The following CORIN variants were observed in gnomAD, a reference collection of about 807,000 sequenced individuals.
CORIN encodes the protein atrial natriuretic peptide-converting enzyme.
In CORIN, 117 loss-of-function variants were observed where a neutral mutation model predicts 125.3. The observed-to-expected ratio is 0.93, with a 90% CI of 0.80 to 1.09. CORIN has a LOEUF of 1.09. CORIN is among the 50% of genes least tolerant of loss of function. The probability of loss-of-function intolerance (pLI) is 0.00; values close to 1 mark genes in which losing one functional copy is unlikely to be tolerated. For missense variants in CORIN, 1,253 were observed against 1,306.7 expected, an observed-to-expected ratio of 0.96 and a Z score of 0.63; for synonymous variants, 450 against 466.4, an observed-to-expected ratio of 0.96 and a Z score of 0.45.
Position 47,626,343 on chromosome 4 carries a change from C to T in CORIN, c.2315+62G>A, listed in dbSNP as rs1722563033. The stretch of plus-strand genomic sequence containing the variant: ...CTTAAGTTAAAAAATGGAAGAAAGG[C>T]CCAATGATAAACTCTTGCTCTGTAA... On this transcript the variant is annotated intron_variant, in intron 17 of 21. Transcript: ENST00000273857. The T allele has an allele frequency of 4.1e-6, 4 of 972,160 alleles. No homozygotes were observed. In the Admixed American group the frequency reaches 5.2e-5, roughly 13 times the overall value. 60.2% of individuals were successfully genotyped at this position (972,160 alleles called of 1,614,324 possible).
intron 13 of CORIN, 125 bp from the exon 14 acceptor site, chr4:47,645,319 T>A: frequency 1.8e-6 from 1 of 562,088 alleles, no homozygotes; most frequent in Non-Finnish European, 3.2e-6. Context: ...CTCATGCCTG[T>A]AATCCCAGCA....
At position 47,776,326 on chromosome 4, in the gene CORIN, C is replaced by T. The variant is rs144209453; in HGVS notation, c.409+10399G>A. Among the ~76,000 whole-genome samples the T allele has an allele frequency of 3.3e-5, 5 of 152,096 alleles. No homozygotes were observed. The East Asian group carries it at 9.6e-4, about 29-fold the overall frequency. On this transcript the variant is annotated intron_variant, in intron 3 of 21. Transcript: ENST00000273857. ...TTTGAGTCAAGGTCTCACTCTGTTG[C>T]CCAGACTGGAGTGCAATGGTGAGAT...
chr4:47,736,669 G>A (rs948303063), intron 5 of CORIN, among the ~76,000 whole-genome samples: 5 of 151,802 alleles, frequency 3.3e-5, no homozygotes, highest in African/African-American at 4.8e-5. Context: ...AGTATCAGTC[G>A]TTCCCCTCTA....
At chr4:47,644,407 T>A (rs561852059) in intron 14 of CORIN, among the ~76,000 whole-genome samples, 2 of 152,336 alleles carry the variant, frequency 1.3e-5, no homozygotes, top group South Asian at 2.1e-4. Context: ...CTCTATATGA[T>A]AATATAAAAC....
At chr4:47,614,181 C>T (rs1178567851) in intron 19 of CORIN, among the ~76,000 whole-genome samples, 2 of 152,104 alleles carry the variant, frequency 1.3e-5, no homozygotes, top group East Asian at 3.9e-4. Context: ...TACTTTACCC[C>T]CAATTTCTTT....
At chr4:47,822,820 CT>C (rs1359423811) in intron 1 of CORIN, among the ~76,000 whole-genome samples, 276 of 142,460 alleles carry the variant, frequency 1.9e-3, no homozygotes, top group Middle Eastern at 3.6e-3. Context: ...CTTTCCATTT[CT>C]TTTTTTTTTT....
chr4:47,693,024 G>A lies in CORIN; in HGVS notation c.859C>T (p.Leu287=), dbSNP rs1484460562. The A allele has an allele frequency of 1.2e-6, 2 of 1,613,744 alleles. No individual in the cohort carries two copies. The highest frequency in any genetic ancestry group is 1.3e-5 in the African/African-American group (1 of 74,950). Residue 287 remains leucine, a synonymous_variant, in exon 6 of 22, where the codon CTG becomes TTG. Transcript: ENST00000273857. ...CASGICIPGK[L]QCNGYNDCDD... ...CAGTCGTTGTAGCCATTACATTGCAGTTTCCCGGGGATGCAGATTCCACTG... is the reference window on the plus strand; with the variant it reads ...CAGTCGTTGTAGCCATTACATTGCAATTTCCCGGGGATGCAGATTCCACTG...
intron 3 of CORIN, among the ~76,000 whole-genome samples, chr4:47,775,768 T>C (rs1730269732): frequency 6.6e-6 from 1 of 152,196 alleles, no homozygotes; most frequent in South Asian, 2.1e-4. Flanking sequence ...TCTGCTTCAC[T>C]GCTTCTCATG....
chr4:47,645,021 G>A, intron 14 of CORIN, 60 bp downstream of exon 14: 2 of 900,922 alleles, frequency 2.2e-6, no homozygotes, highest in East Asian at 2.4e-5. Context: ...TATTCAAAAT[G>A]AGACTTAACT....
At chr4:47,789,881 G>T (rs1399239564) in intron 2 of CORIN, among the ~76,000 whole-genome samples, 2 of 152,140 alleles carry the variant, frequency 1.3e-5, no homozygotes, top group East Asian at 3.9e-4. Flanking sequence ...AATTAGCCGG[G>T]TGTGGTGGCG....
At chr4:47,683,512 C>G in intron 7 of CORIN, 2 of 418,450 alleles carry the variant, frequency 4.8e-6, no homozygotes, top group South Asian at 7.4e-5. Flanking sequence ...CATCCCACTT[C>G]TTAAACATTT....
chr4:47,652,101 T>A (rs1316037248), intron 13 of CORIN, among the ~76,000 whole-genome samples: 1 of 152,198 alleles, frequency 6.6e-6, no homozygotes, highest in East Asian at 1.9e-4. Flanking sequence ...TCTCAATAAA[T>A]CACTTATATA....
intron 19 of CORIN, among the ~76,000 whole-genome samples, chr4:47,621,482 G>A (rs1722305577): frequency 6.6e-6 from 1 of 152,184 alleles, no homozygotes; most frequent in African/African-American, 2.4e-5. Context: ...TGAATCTTCA[G>A]TGAGCATAAT....
intron 5 of CORIN, among the ~76,000 whole-genome samples, chr4:47,735,579 T>C (rs944491238): frequency 6.6e-6 from 1 of 152,162 alleles, no homozygotes; most frequent in African/African-American, 2.4e-5. Context: ...TATCCTCTGA[T>C]ATTAGAGAGC....
chr4:47,734,250 T>C (rs1185526765), intron 5 of CORIN, among the ~76,000 whole-genome samples: 3 of 152,180 alleles, frequency 2.0e-5, no homozygotes, highest in African/African-American at 2.4e-5. Context: ...GGGTACATAA[T>C]GTAAAGGGAG....
At position 47,674,349 on chromosome 4, in the gene CORIN, C is replaced by T. The variant is rs61760496; in HGVS notation, c.1357+44G>A. ...CAATGCAGAAGAAAAATGCTGAATGCATGCCCTGACATGGCTATTGCATTT... is the reference window on the plus strand; with the variant it reads ...CAATGCAGAAGAAAAATGCTGAATGTATGCCCTGACATGGCTATTGCATTT... On this transcript the variant is annotated intron_variant, in intron 10 of 21. Transcript: ENST00000273857. The T allele has an allele frequency of 1.1e-3, 1,421 of 1,285,540 alleles. 4 individuals are homozygous for T. The highest frequency in any genetic ancestry group is 1.7e-3 in the South Asian group (139 of 83,910). The allele number at this position is 1,285,540 out of a possible 1,614,324, so 79.6% of individuals were successfully genotyped here.
intron 5 of CORIN, among the ~76,000 whole-genome samples, chr4:47,735,322 T>C (rs561337548): frequency 1.2e-4 from 18 of 152,272 alleles, no homozygotes; most frequent in African/African-American, 4.1e-4. Context: ...TTATTTTAAA[T>C]TCTAGGTAAA....
chr4:47,736,315 C>T (rs1478957975), intron 5 of CORIN, among the ~76,000 whole-genome samples: 3 of 152,152 alleles, frequency 2.0e-5, no homozygotes, highest in African/African-American at 7.2e-5. Context: ...CCATTTCTGG[C>T]CATGAGGTAG....
chr4:47,620,605 G>C (rs1344234927), intron 19 of CORIN, among the ~76,000 whole-genome samples: 1 of 152,204 alleles, frequency 6.6e-6, no homozygotes, highest in African/African-American at 2.4e-5. Context: ...AGGTAAATGA[G>C]TGTGGGAGAA....
Sources: gnomAD v4.1 joint callset for allele counts (sites outside exome capture counted in the v4.1 genomes callset) on GRCh38, gnomAD v4.1.1 for gene constraint, MANE v1.5 for transcripts, NCBI Gene and HGNC (gene_info 2026-07-23, HGNC 2026-07-21) for gene names.